SLC44A5: variants seen among roughly 807,000 people sequenced by gnomAD.
SLC44A5 encodes choline transporter-like protein 5.
SLC44A5 carries 57 observed loss-of-function variants against 101.8 expected under a neutral mutation model. That is an observed-to-expected ratio of 0.56 (90% CI 0.45 to 0.70). The LOEUF is 0.70. Among genes scored for constraint, SLC44A5 ranks in the 30% least tolerant of loss-of-function variants. SLC44A5 has a pLI of 0.00. For synonymous variants in SLC44A5, 281 were observed against 290.9 expected, an observed-to-expected ratio of 0.97 and a Z score of 0.35; for missense variants, 737 against 853.1, an observed-to-expected ratio of 0.86 and a Z score of 1.70.
Position 75,218,600 on chromosome 1 carries a change from T to C in SLC44A5, c.1419A>G (p.Ala473=), listed in dbSNP as rs1222249134. The change falls in exon 17 of 24, where the codon GCA becomes GCG. Residue 473 remains alanine, a synonymous_variant. Coordinates refer to ENST00000370859, the MANE Select transcript of SLC44A5 (RefSeq NM_001130058.2). ...VFLWLINFVI[A]LGQCALAGAF... ...CACCAGCAAGGGCGCACTGACCTAA[T>C]GCAATGACGAAGTTTATAAGCCAGA... is the stretch of plus-strand genomic sequence containing the variant. The C allele has an allele frequency of 1.9e-6, 3 of 1,613,870 alleles. No homozygotes were observed. The highest frequency in any genetic ancestry group is 2.5e-6 in the Non-Finnish European group (3 of 1,179,820).
intron 1 of SLC44A5, among the ~76,000 whole-genome samples, chr1:75,566,960 T>C (rs113655053): frequency 1.6e-4 from 24 of 152,306 alleles, no homozygotes; most frequent in African/African-American, 5.5e-4. Flanking sequence ...TGGATTTCAT[T>C]GTCTGACTAT....
intron 5 of SLC44A5, among the ~76,000 whole-genome samples, chr1:75,276,052 T>C (rs1232859838): frequency 6.6e-6 from 1 of 152,194 alleles, no homozygotes; most frequent in Non-Finnish European, 1.5e-5. Context: ...TATGAGAATT[T>C]CAATATGGAA....
At chr1:75,477,966 T>A (rs1012799273) in intron 2 of SLC44A5, among the ~76,000 whole-genome samples, 2 of 151,710 alleles carry the variant, frequency 1.3e-5, no homozygotes, top group African/African-American at 4.9e-5. Flanking sequence ...TCACCAAAGT[T>A]GAAATGAAGG....
intron 23 of SLC44A5, among the ~76,000 whole-genome samples, chr1:75,210,445 A>G (rs1297012269): frequency 1.3e-5 from 2 of 152,170 alleles, no homozygotes; most frequent in African/African-American, 2.4e-5. Context: ...AAAGCTCTAA[A>G]GAAGTATTTT....
At chr1:75,253,340 C>G (rs1405425752) in intron 6 of SLC44A5, among the ~76,000 whole-genome samples, 2 of 151,616 alleles carry the variant, frequency 1.3e-5, no homozygotes, top group African/African-American at 4.9e-5. Context: ...CTACATTGAA[C>G]TTTTAACAAC....
At chr1:75,315,843 C>T (rs1438502745) in intron 4 of SLC44A5, among the ~76,000 whole-genome samples, 5 of 152,154 alleles carry the variant, frequency 3.3e-5, no homozygotes, top group Admixed American at 1.3e-4. Flanking sequence ...TTCATCCAAG[C>T]TAAAAATTCT....
chr1:75,408,101 C>T (rs571352654), intron 2 of SLC44A5, among the ~76,000 whole-genome samples: 33 of 152,198 alleles, frequency 2.2e-4, no homozygotes, highest in African/African-American at 7.9e-4. Flanking sequence ...GGCCTACAAA[C>T]ATATGAAAAA....
rs184828717 is a variant in SLC44A5 at position 75,473,231 on chromosome 1, C to A, written c.13+68204G>T. On this transcript the variant is annotated intron_variant, in intron 2 of 23. Transcript: ENST00000370859. The stretch of plus-strand genomic sequence containing the variant: ...GCCTACATGGGAGTTCCAGAGGGAG[C>A]AACACTTTGCATAATCCTTCAAAAA... Among the ~76,000 whole-genome samples the A allele has an allele frequency of 2.0e-5, 3 of 152,254 alleles. No individual in the cohort carries two copies. In the East Asian group the frequency reaches 5.8e-4, roughly 29 times the overall value.
At chr1:75,467,175 T>G (rs898363104) in intron 2 of SLC44A5, among the ~76,000 whole-genome samples, 4 of 151,470 alleles carry the variant, frequency 2.6e-5, no homozygotes, top group African/African-American at 9.7e-5. Context: ...TGAAAGAAAT[T>G]TAAGAGGACA....
chr1:75,239,662 T>C (rs75505437), intron 9 of SLC44A5, among the ~76,000 whole-genome samples: 3,298 of 152,110 alleles, frequency 0.022, 98 homozygotes, highest in African/African-American at 0.069. Context: ...CAGTAGCCTT[T>C]ACCAGCTGCT....
chr1:75,479,862 A>G (rs1343543986), intron 2 of SLC44A5, among the ~76,000 whole-genome samples: 19 of 152,202 alleles, frequency 1.2e-4, no homozygotes, highest in Non-Finnish European at 2.8e-4. Flanking sequence ...AACTATTCCA[A>G]TCAATAGAAA....
intron 2 of SLC44A5, among the ~76,000 whole-genome samples, chr1:75,448,412 A>G (rs980431360): frequency 1.3e-5 from 2 of 152,238 alleles, no homozygotes; most frequent in Non-Finnish European, 2.9e-5. Context: ...GTTCACGATC[A>G]TATGTAACTG....
chr1:75,555,707 A>G (rs1307371941), intron 1 of SLC44A5, among the ~76,000 whole-genome samples: 1 of 152,088 alleles, frequency 6.6e-6, no homozygotes, highest in African/African-American at 2.4e-5. Flanking sequence ...TCTAATGCAG[A>G]ATATATGAAA....
At chr1:75,418,773 T>G (rs1385686260) in intron 2 of SLC44A5, among the ~76,000 whole-genome samples, 3 of 152,202 alleles carry the variant, frequency 2.0e-5, no homozygotes, top group Non-Finnish European at 4.4e-5. Context: ...TATTTGTATT[T>G]TGAAAAGATC....
intron 2 of SLC44A5, among the ~76,000 whole-genome samples, chr1:75,475,046 G>T (rs1459101615): frequency 2.6e-5 from 4 of 152,310 alleles, no homozygotes; most frequent in African/African-American, 9.6e-5. Context: ...TCACACATCA[G>T]CAGGAAGTGA....
rs760132589 is a variant in SLC44A5, at chr1:75,339,648, A to G, written c.53-18T>C. 57 of 1,603,046 alleles carry G rather than the reference A, an allele frequency of 3.6e-5. No individual in the cohort carries two copies. The East Asian group carries it at 1.3e-3, about 36-fold the overall frequency. ...TGGATCACCTGCATTTAAAACAAAGACATTTTAAGCATATAAGCCAGCAAA... is the reference window on the plus strand; with the variant it reads ...TGGATCACCTGCATTTAAAACAAAGGCATTTTAAGCATATAAGCCAGCAAA... On this transcript the variant is annotated intron_variant, in intron 3 of 23. Transcript: ENST00000370859.
chr1:75,645,823 A>T, the SLC44A5 span, among the ~76,000 whole-genome samples: 1 of 136,246 alleles, frequency 7.3e-6, no homozygotes, highest in African/African-American at 2.5e-5. Context: ...GGTGTAAGGA[A>T]GGAACCAGTT....
chr1:75,464,908 G>C (rs190062823), intron 2 of SLC44A5, among the ~76,000 whole-genome samples: 191 of 151,966 alleles, frequency 1.3e-3, no homozygotes, highest in African/African-American at 4.4e-3. Context: ...TAAAGAAAGA[G>C]AGAGGCCCCA....
intron 18 of SLC44A5, among the ~76,000 whole-genome samples, chr1:75,217,640 C>T (rs1019073655): frequency 1.3e-5 from 2 of 152,082 alleles, no homozygotes; most frequent in East Asian, 3.9e-4. Context: ...CACAGCTTAA[C>T]AAATAGGATC....
Sources: gnomAD v4.1 joint callset for allele counts (sites outside exome capture counted in the v4.1 genomes callset) on GRCh38, gnomAD v4.1.1 for gene constraint, MANE v1.5 for transcripts, NCBI Gene and HGNC (gene_info 2026-07-23, HGNC 2026-07-21) for gene names.